MAML2: variants seen among roughly 807,000 people sequenced by gnomAD.
MAML2 encodes mastermind like transcriptional coactivator 2, also known as mastermind-like protein 2.
A neutral mutation model predicts 96.1 loss-of-function variants in MAML2; 22 were observed. The ratio of observed to expected loss-of-function variants is 0.23; its 90% CI spans 0.16 to 0.33. MAML2 has a LOEUF of 0.33. MAML2 is among the 10% of genes least tolerant of loss of function. The pLI is 1.00. For missense variants in MAML2, 1,367 were observed against 1,392.4 expected (o/e 0.98, Z 0.29); for synonymous variants, 561 against 521.3 (o/e 1.08, Z -1.04).
chr11:96,024,207 G>A (rs915309872), intron 2 of MAML2, among the ~76,000 whole-genome samples: 7 of 152,238 alleles, frequency 4.6e-5, no homozygotes, highest in African/African-American at 9.6e-5. Flanking sequence ...AAAGAGTTGC[G>A]ATAGTAGAAA....
chr11:96,303,408 T>G (rs1299706264), intron 1 of MAML2, among the ~76,000 whole-genome samples: 1 of 152,238 alleles, frequency 6.6e-6, no homozygotes, highest in Non-Finnish European at 1.5e-5. Context: ...TATAGTTATC[T>G]ATATATAACA....
At chr11:96,158,362 C>G (rs1037892360) in intron 1 of MAML2, among the ~76,000 whole-genome samples, 1 of 152,282 alleles carries the variant, frequency 6.6e-6, no homozygotes, top group Middle Eastern at 3.4e-3. Flanking sequence ...GAGATAGGCT[C>G]TGCAAGCAAT....
intron 2 of MAML2, among the ~76,000 whole-genome samples, chr11:96,036,413 C>G (rs1434259256): frequency 1.3e-5 from 2 of 152,290 alleles, no homozygotes; most frequent in East Asian, 3.9e-4. Context: ...GCACTACTCT[C>G]TGCAGGAATA....
chr11:96,160,032 G>A (rs934261286), intron 1 of MAML2, among the ~76,000 whole-genome samples: 1 of 152,142 alleles, frequency 6.6e-6, no homozygotes, highest in Non-Finnish European at 1.5e-5. Flanking sequence ...AAGAGTATAT[G>A]TTTTAATAAG....
rs778616665 is a variant in MAML2 at position 95,978,907 on chromosome 11, T to C, written c.*41A>G. On this transcript the variant is annotated 3_prime_UTR_variant, in exon 5 of 5. Coordinates refer to ENST00000524717, the MANE Select transcript of MAML2 (RefSeq NM_032427.4). ...TACAGAGTTTCTGTAATATACTGCC[T>C]TTTAGTGCTTGGAGTTTGTAAATTG... 2 of 1,542,828 alleles carry C rather than the reference T, an allele frequency of 1.3e-6. No individual in the cohort carries two copies. Among genetic ancestry groups the C allele is most frequent in the Non-Finnish European group, 1.7e-6 (2 of 1,143,916 alleles).
intron 2 of MAML2, among the ~76,000 whole-genome samples, chr11:96,071,862 T>A (rs1859350113): frequency 6.6e-6 from 1 of 152,234 alleles, no homozygotes; most frequent in African/African-American, 2.4e-5. Context: ...ATATTGCCAC[T>A]GGCCATTTTG....
chr11:96,031,942 C>T lies in MAML2; in HGVS notation c.2140-40219G>A, dbSNP rs1162109404. On this transcript the variant is annotated intron_variant, in intron 2 of 4. Transcript: ENST00000524717. The stretch of plus-strand genomic sequence containing the variant: ...CAGAGCTTGCAGTGAGCTGAGATTG[C>T]GCCACTGCACTCCAGCCTGGGTGAC... Among the ~76,000 whole-genome samples the T allele has an allele frequency of 5.9e-5, 9 of 151,732 alleles. No individual in the cohort carries two copies. The East Asian group carries it at 9.7e-4, about 16-fold the overall frequency.
At chr11:96,127,079 A>C (rs151032014) in intron 1 of MAML2, among the ~76,000 whole-genome samples, 6 of 151,858 alleles carry the variant, frequency 4.0e-5, no homozygotes, top group Admixed American at 2.0e-4. Flanking sequence ...TCTTGAAACC[A>C]TTCGTAAAGT....
intron 1 of MAML2, among the ~76,000 whole-genome samples, chr11:96,119,714 T>A (rs1208141766): frequency 6.6e-6 from 1 of 152,234 alleles, no homozygotes; most frequent in Non-Finnish European, 1.5e-5. Context: ...CTCTTAGAGC[T>A]ACTGTATTTC....
At chr11:96,135,336 AC>A (rs1373622324) in intron 1 of MAML2, among the ~76,000 whole-genome samples, 1 of 152,142 alleles carries the variant, frequency 6.6e-6, no homozygotes, top group Non-Finnish European at 1.5e-5. Flanking sequence ...TTAATAAATT[AC>A]CCAGTCTCAG....
chr11:96,178,824 C>T (rs888018876), intron 1 of MAML2, among the ~76,000 whole-genome samples: 3 of 152,078 alleles, frequency 2.0e-5, no homozygotes, highest in African/African-American at 7.2e-5. Context: ...TGAGGAAGAA[C>T]AAAAGGATCA....
intron 1 of MAML2, among the ~76,000 whole-genome samples, chr11:96,161,565 G>C (rs1861104242): frequency 1.3e-5 from 2 of 152,150 alleles, no homozygotes; most frequent in African/African-American, 2.4e-5. Context: ...CCCTCCAACT[G>C]TCTTCCAGAT....
At chr11:96,184,811 G>A (rs1861547769) in intron 1 of MAML2, among the ~76,000 whole-genome samples, 2 of 151,914 alleles carry the variant, frequency 1.3e-5, no homozygotes, top group South Asian at 4.2e-4. Flanking sequence ...GGATGTTCTC[G>A]ACCTCCTGAC....
intron 2 of MAML2, among the ~76,000 whole-genome samples, chr11:96,091,012 A>G (rs1859695267): frequency 6.6e-6 from 1 of 152,224 alleles, no homozygotes; most frequent in Non-Finnish European, 1.5e-5. Flanking sequence ...CCTTCCAGAA[A>G]GAGTTTTTTC....
intron 1 of MAML2, among the ~76,000 whole-genome samples, chr11:96,250,330 A>G (rs941547381): frequency 6.6e-6 from 1 of 152,210 alleles, no homozygotes; most frequent in African/African-American, 2.4e-5. Context: ...ATGTTTCAAT[A>G]CATATAATCA....
chr11:96,315,955 T>C (rs1359363340), intron 1 of MAML2, among the ~76,000 whole-genome samples: 3 of 152,210 alleles, frequency 2.0e-5, no homozygotes, highest in African/African-American at 7.2e-5. Flanking sequence ...AACTGGGATA[T>C]ACAGTTTTTC....
intron 1 of MAML2, among the ~76,000 whole-genome samples, chr11:96,208,519 T>C (rs1424061037): frequency 2.0e-5 from 3 of 152,238 alleles, no homozygotes; most frequent in Non-Finnish European, 4.4e-5. Flanking sequence ...TTATTTCATG[T>C]AGAGATACTT....
At chr11:96,292,094 T>C (rs1863221627) in intron 1 of MAML2, among the ~76,000 whole-genome samples, 1 of 152,332 alleles carries the variant, frequency 6.6e-6, no homozygotes. Context: ...GTTATTGTCA[T>C]ACACCATTTT....
Position 96,248,863 on chromosome 11 carries a change from C to T in MAML2, c.513+92520G>A, listed in dbSNP as rs114761572. 7.5e-3 allele frequency among the ~76,000 whole-genome samples: 1,143 copies of T among 152,260 alleles called. 18 individuals are homozygous for T. Among genetic ancestry groups the T allele is most frequent in the African/African-American group, 0.025 (1,041 of 41,522 alleles). Reference sequence around the variant, plus strand: ...TGGCTCCTGTTAAGGTGGTGTGTGGCGCAACTAGCAGAAGCTAATTGTTAA... The same window carrying T: ...TGGCTCCTGTTAAGGTGGTGTGTGGTGCAACTAGCAGAAGCTAATTGTTAA... On this transcript the variant is annotated intron_variant, in intron 1 of 4. Coordinates refer to ENST00000524717, the MANE Select transcript of MAML2 (RefSeq NM_032427.4).
Sources: allele counts gnomAD v4.1 joint callset (sites outside exome capture counted in the v4.1 genomes callset), GRCh38; gene constraint gnomAD v4.1.1; transcripts MANE v1.5; gene names NCBI Gene and HGNC (gene_info 2026-07-23, HGNC 2026-07-21).